GALNT13: variants seen among roughly 807,000 people sequenced by gnomAD.
GALNT13 encodes UDP-GalNAc:polypeptide N-acetylgalactosaminyltransferase 13.
In GALNT13, 28 loss-of-function variants were observed where a neutral mutation model predicts 64.2. The observed-to-expected ratio is 0.44, with a 90% confidence interval of 0.32 to 0.60. The LOEUF (loss-of-function observed/expected upper bound fraction) is 0.60, where lower values mean the gene tolerates loss of function less well. Among genes scored for constraint, GALNT13 ranks in the 20% least tolerant of loss-of-function variants. The pLI is 0.05. For missense variants in GALNT13, 577 were observed against 669.8 expected (o/e 0.86, Z 1.53); for synonymous variants, 214 against 224.6 (o/e 0.95, Z 0.42).
chr2:153,594,211 G>T, the GALNT13 span, among the ~76,000 whole-genome samples: 1 of 152,008 alleles, frequency 6.6e-6, no homozygotes, highest in African/African-American at 2.4e-5. Context: ...CACAGCTGCT[G>T]GATATTAATT....
the GALNT13 span, among the ~76,000 whole-genome samples, chr2:153,437,200 A>G: frequency 6.6e-6 from 1 of 152,078 alleles, no homozygotes; most frequent in Non-Finnish European, 1.5e-5. Flanking sequence ...ACAGTTTGTT[A>G]TAATTTCTGT....
At chr2:153,180,200 C>T in the GALNT13 span, among the ~76,000 whole-genome samples, 856 of 151,992 alleles carry the variant, frequency 5.6e-3, 10 homozygotes, top group African/African-American at 0.02. Flanking sequence ...AGGTACATTC[C>T]TTCTATACCT....
chr2:153,995,430 T>G lies in GALNT13; in HGVS notation c.142+50791T>G, dbSNP rs183958749. On this transcript the variant is annotated intron_variant, in intron 3 of 12. Coordinates refer to ENST00000392825, the MANE Select transcript of GALNT13 (RefSeq NM_052917.4). ...AGGGTTGTATGTAAATTAATAAGAA[T>G]TAGACATTGTCATTTCTCTCAGGAG... Among the ~76,000 whole-genome samples the G allele has an allele frequency of 3.9e-5, 6 of 152,274 alleles. No individual in the cohort carries two copies. In the East Asian group the frequency reaches 1.2e-3, roughly 29 times the overall value.
the GALNT13 span, among the ~76,000 whole-genome samples, chr2:153,540,584 A>T: frequency 6.6e-6 from 1 of 152,196 alleles, no homozygotes; most frequent in Non-Finnish European, 1.5e-5. Flanking sequence ...AGCCACAGGT[A>T]CTAAACAGCA....
At chr2:153,574,857 G>A in the GALNT13 span, among the ~76,000 whole-genome samples, 1 of 151,866 alleles carries the variant, frequency 6.6e-6, no homozygotes, top group Non-Finnish European at 1.5e-5. Flanking sequence ...TGTTTTGCTT[G>A]GATTGGGCCC....
chr2:154,372,409 T>C (rs143124100), intron 9 of GALNT13, among the ~76,000 whole-genome samples: 2 of 152,202 alleles, frequency 1.3e-5, no homozygotes, highest in African/African-American at 4.8e-5. Context: ...CAATAGAAAA[T>C]AGATTTCTGG....
chr2:153,885,390 C>T (rs995634729), intron 1 of GALNT13, among the ~76,000 whole-genome samples: 19 of 151,974 alleles, frequency 1.3e-4, no homozygotes, highest in African/African-American at 4.6e-4. Context: ...ATGTGTGTAA[C>T]CAGATCCTAA....
chr2:153,737,227 C>G, the GALNT13 span, among the ~76,000 whole-genome samples: 3 of 152,142 alleles, frequency 2.0e-5, no homozygotes, highest in African/African-American at 7.2e-5. Context: ...TTTAAATGAT[C>G]AGGAAAGTCA....
At chr2:153,329,450 C>G in the GALNT13 span, among the ~76,000 whole-genome samples, 2 of 152,168 alleles carry the variant, frequency 1.3e-5, no homozygotes, top group Admixed American at 1.3e-4. Flanking sequence ...TGCTTTTTGA[C>G]TTTCTTATCA....
rs1261972999 is a variant in GALNT13 at position 154,452,751 on chromosome 2, G to A, written c.*2200G>A. 1 of 152,050 alleles carries A rather than the reference G, an allele frequency of 6.6e-6. No individual in the cohort carries two copies. The highest frequency in any genetic ancestry group is 2.4e-5 in the African/African-American group (1 of 41,412). 9.4% of individuals were successfully genotyped at this position (152,050 alleles called of 1,614,324 possible). On this transcript the variant is annotated 3_prime_UTR_variant, in exon 13 of 13. Transcript: ENST00000392825. ...GCCATTATAGTATCTAACAAAAAGT[G>A]GCATAAAATATTACAAAACATCCAA...
the GALNT13 span, among the ~76,000 whole-genome samples, chr2:153,258,066 G>T: frequency 6.6e-6 from 1 of 152,082 alleles, no homozygotes; most frequent in African/African-American, 2.4e-5. Flanking sequence ...GTATTTGAGG[G>T]TACAAACCTA....
At chr2:154,387,801 ACT>A (rs1345379963) in intron 9 of GALNT13, among the ~76,000 whole-genome samples, 5 of 152,054 alleles carry the variant, frequency 3.3e-5, no homozygotes, top group East Asian at 1.9e-4. Context: ...AGAATACAAC[ACT>A]CTCTTTATCT....
At chr2:153,326,537 G>A in the GALNT13 span, among the ~76,000 whole-genome samples, 1 of 152,098 alleles carries the variant, frequency 6.6e-6, no homozygotes, top group African/African-American at 2.4e-5. Context: ...TATGATGCTA[G>A]CTGGTTATTT....
chr2:154,163,896 T>C (rs1325341395), intron 4 of GALNT13, among the ~76,000 whole-genome samples: 3 of 152,218 alleles, frequency 2.0e-5, no homozygotes, highest in Admixed American at 6.5e-5. Flanking sequence ...CTGTATTTCA[T>C]AGGTCTTAGT....
At chr2:154,305,566 G>A (rs1473804284) in intron 9 of GALNT13, among the ~76,000 whole-genome samples, 1 of 152,062 alleles carries the variant, frequency 6.6e-6, no homozygotes, top group African/African-American at 2.4e-5. Flanking sequence ...CTTTTTACAT[G>A]TGGGCTTCTA....
intron 4 of GALNT13, among the ~76,000 whole-genome samples, chr2:154,162,024 G>A (rs1427862060): frequency 1.3e-5 from 2 of 152,098 alleles, no homozygotes; most frequent in South Asian, 2.1e-4. Context: ...CTTGTGATCC[G>A]CCCGTCTCGG....
At chr2:153,848,297 A>G in the GALNT13 span, among the ~76,000 whole-genome samples, 2 of 152,192 alleles carry the variant, frequency 1.3e-5, no homozygotes, top group African/African-American at 4.8e-5. Flanking sequence ...TGTTAGTAGC[A>G]AAGAACACAG....
the GALNT13 span, among the ~76,000 whole-genome samples, chr2:153,734,909 G>T: frequency 6.6e-6 from 1 of 152,110 alleles, no homozygotes. Context: ...TAACCTCCTA[G>T]AGGGCCAAAA....
chr2:154,064,976 G>A (rs182412921), intron 3 of GALNT13, among the ~76,000 whole-genome samples: 8 of 151,968 alleles, frequency 5.3e-5, no homozygotes, highest in African/African-American at 1.2e-4. Context: ...ATTTCTGGAT[G>A]TGCCTTGAGC....
Sources: gnomAD v4.1 joint callset for allele counts (sites outside exome capture counted in the v4.1 genomes callset) on GRCh38, gnomAD v4.1.1 for gene constraint, MANE v1.5 for transcripts, NCBI Gene and HGNC (gene_info 2026-07-23, HGNC 2026-07-21) for gene names.